The following EPHA6 variants were observed in gnomAD, a reference collection of about 807,000 sequenced individuals.
EPHA6 encodes the protein EPH receptor A6, also known as ephrin type-A receptor 6.
A neutral mutation model predicts 112.0 loss-of-function variants in EPHA6; 50 were observed. That is an observed-to-expected ratio of 0.45 (90% CI 0.36 to 0.56). The LOEUF (loss-of-function observed/expected upper bound fraction) is 0.56, where lower values mean the gene tolerates loss of function less well. Among genes scored for constraint, EPHA6 ranks in the 20% least tolerant of loss-of-function variants. The pLI, the probability that EPHA6 is intolerant of heterozygous loss-of-function variation, is 0.00. For synonymous variants in EPHA6, 529 were observed against 490.7 expected (o/e 1.08, Z -1.03); for missense variants, 1,280 against 1,417.4 (o/e 0.90, Z 1.56).
At chr3:97,349,957 C>CT (rs80163422) in intron 5 of EPHA6, among the ~76,000 whole-genome samples, 163 of 146,000 alleles carry the variant, frequency 1.1e-3, no homozygotes, top group African/African-American at 2.0e-3. Context: ...TCATGCTAAT[C>CT]TTTTTTTTTT....
chr3:97,063,037 A>G (rs1322465829), intron 3 of EPHA6, among the ~76,000 whole-genome samples: 1 of 152,204 alleles, frequency 6.6e-6, no homozygotes. Flanking sequence ...CTATTACTAA[A>G]AAGTCAAAAG....
intron 5 of EPHA6, among the ~76,000 whole-genome samples, chr3:97,255,326 ATGGTCATTC>A (rs967308607): frequency 1.3e-5 from 2 of 152,176 alleles, no homozygotes; most frequent in African/African-American, 4.8e-5. Context: ...TGCTTTCACC[ATGGTCATTC>A]TGGCAACAGT....
At chr3:97,041,425 G>A (rs186688765) in intron 3 of EPHA6, among the ~76,000 whole-genome samples, 3 of 152,220 alleles carry the variant, frequency 2.0e-5, no homozygotes, top group East Asian at 1.9e-4. Context: ...TTGTAATGCT[G>A]TAAGGTGAAT....
intron 11 of EPHA6, among the ~76,000 whole-genome samples, chr3:97,538,173 A>G (rs1282758608): frequency 6.6e-6 from 1 of 152,166 alleles, no homozygotes; most frequent in Middle Eastern, 3.2e-3. Flanking sequence ...AAATATAAGG[A>G]GGCTAGTGTA....
At chr3:97,035,409 C>T (rs2045052241) in intron 3 of EPHA6, among the ~76,000 whole-genome samples, 1 of 151,946 alleles carries the variant, frequency 6.6e-6, no homozygotes, top group South Asian at 2.1e-4. Flanking sequence ...TTAATAGACA[C>T]TAGGACTTTT....
intron 13 of EPHA6, among the ~76,000 whole-genome samples, chr3:97,630,889 C>T (rs1306452694): frequency 6.6e-6 from 1 of 151,982 alleles, no homozygotes; most frequent in Non-Finnish European, 1.5e-5. Flanking sequence ...CATGTGGTAG[C>T]ACTTCTTCAT....
chr3:97,396,804 A>T (rs925934112), intron 5 of EPHA6, among the ~76,000 whole-genome samples: 15 of 151,780 alleles, frequency 9.9e-5, no homozygotes, highest in African/African-American at 3.4e-4. Flanking sequence ...AGTATTTAAT[A>T]AAAATATTGT....
Position 96,814,907 on chromosome 3 carries a change from T to TG in EPHA6, c.290dup (p.Cys98LeufsTer36). On this transcript the variant is annotated frameshift_variant, in exon 1 of 18. Coordinates refer to ENST00000389672, the MANE Select transcript of EPHA6 (RefSeq NM_001080448.3). LOFTEE classifies it high-confidence loss of function. ...AGGAAAAGAGAGCCTAGGAGAACCA[T>TG]GGGGGGCTGCGAAGTCCGGGAATTT... The TG allele has an allele frequency of 3.9e-6, 6 of 1,552,914 alleles. No homozygotes were observed. Among genetic ancestry groups the TG allele is most frequent in the Non-Finnish European group, 5.2e-6 (6 of 1,147,526 alleles).
At chr3:96,887,774 G>C (rs746225640) in intron 2 of EPHA6, among the ~76,000 whole-genome samples, 1 of 152,130 alleles carries the variant, frequency 6.6e-6, no homozygotes, top group African/African-American at 2.4e-5. Context: ...TGTGGCTACT[G>C]TTGGGGATGG....
intron 5 of EPHA6, among the ~76,000 whole-genome samples, chr3:97,398,229 A>G (rs2086798174): frequency 6.6e-6 from 1 of 151,498 alleles, no homozygotes; most frequent in South Asian, 2.1e-4. Context: ...ATTGCTTTAG[A>G]CATTGTACAT....
chr3:97,066,242 A>G (rs2046175415), intron 3 of EPHA6, among the ~76,000 whole-genome samples: 1 of 152,016 alleles, frequency 6.6e-6, no homozygotes, highest in African/African-American at 2.4e-5. Flanking sequence ...GGCAATGCCT[A>G]TTTTTCCAGG....
rs545101216 is a variant in EPHA6, at chr3:96,939,646, C to A, written c.451-47684C>A. Among the ~76,000 whole-genome samples the A allele has an allele frequency of 2.0e-5, 3 of 152,168 alleles. No individual in the cohort carries two copies. The East Asian group carries it at 5.8e-4, about 29-fold the overall frequency. ...TTAGTTATTTCTTGCCTTGTGCTAG[C>A]TTTTGAATGTGTTTGCTCTTGCTTT... On this transcript the variant is annotated intron_variant, in intron 2 of 17. Transcript: ENST00000389672.
chr3:97,409,351 G>C (rs2087559463), intron 6 of EPHA6, among the ~76,000 whole-genome samples: 1 of 152,068 alleles, frequency 6.6e-6, no homozygotes, highest in South Asian at 2.1e-4. Flanking sequence ...AATCTTTTAA[G>C]TGTTTTGCAA....
chr3:97,060,950 A>G (rs908443994), intron 3 of EPHA6, among the ~76,000 whole-genome samples: 2 of 148,888 alleles, frequency 1.3e-5, no homozygotes, highest in Non-Finnish European at 3.0e-5. Flanking sequence ...AAAAAAAAAA[A>G]GTCAGCTAAC....
At chr3:97,172,104 G>A (rs1379555688) in intron 3 of EPHA6, among the ~76,000 whole-genome samples, 1 of 151,926 alleles carries the variant, frequency 6.6e-6, no homozygotes, top group Admixed American at 6.6e-5. Context: ...AAAAGTGGTG[G>A]GTGCTGTCTT....
At chr3:97,031,807 G>GA (rs2044859051) in intron 3 of EPHA6, among the ~76,000 whole-genome samples, 1 of 152,154 alleles carries the variant, frequency 6.6e-6, no homozygotes, top group Admixed American at 6.5e-5. Flanking sequence ...ACAGGTGCTG[G>GA]AGAGGATGTG....
chr3:97,377,023 A>G (rs1231973872), intron 5 of EPHA6, among the ~76,000 whole-genome samples: 1 of 152,192 alleles, frequency 6.6e-6, no homozygotes, highest in African/African-American at 2.4e-5. Flanking sequence ...TGGAACAAAT[A>G]TGATTCTCCT....
intron 2 of EPHA6, among the ~76,000 whole-genome samples, chr3:96,940,617 A>G (rs1469897250): frequency 1.3e-5 from 2 of 152,048 alleles, no homozygotes; most frequent in African/African-American, 4.8e-5. Context: ...TAATATTGTT[A>G]TGTGTGAATT....
In EPHA6 at chr3:97,389,354, T is replaced by G. The variant is rs115190596; in HGVS notation, c.1607-15796T>G. 3.3e-3 allele frequency among the ~76,000 whole-genome samples: 502 copies of G among 152,180 alleles called. 3 individuals are homozygous for G. Among genetic ancestry groups the G allele is most frequent in the African/African-American group, 0.011 (446 of 41,566 alleles). ...TGGTCATGATGTGTGCTGGTCAGCATTGCACATGTCAGATATTTATATTAT... is the reference window on the plus strand; with the variant it reads ...TGGTCATGATGTGTGCTGGTCAGCAGTGCACATGTCAGATATTTATATTAT... On this transcript the variant is annotated intron_variant, in intron 5 of 17. Transcript: ENST00000389672.
Sources: allele counts gnomAD v4.1 joint callset (sites outside exome capture counted in the v4.1 genomes callset), GRCh38; gene constraint gnomAD v4.1.1; transcripts MANE v1.5; gene names NCBI Gene and HGNC (gene_info 2026-07-23, HGNC 2026-07-21).